PTPRG: variants seen among roughly 807,000 people sequenced by gnomAD.
PTPRG encodes protein tyrosine phosphatase receptor type G.
A neutral mutation model predicts 165.3 loss-of-function variants in PTPRG; 102 were observed. The ratio of observed to expected loss-of-function variants is 0.62; its 90% CI spans 0.53 to 0.73. PTPRG has a LOEUF of 0.73. Ranked by LOEUF, PTPRG falls within the 30% of genes least tolerant of loss-of-function variation. The pLI is 0.00. For missense variants in PTPRG, 1,866 were observed against 1,861.4 expected (o/e 1.00, Z -0.05); for synonymous variants, 675 against 669.5 (o/e 1.01, Z -0.13).
chr3:62,138,700 CA>C (rs1703808212), intron 6 of PTPRG, among the ~76,000 whole-genome samples: 1 of 74,822 alleles, frequency 1.3e-5, no homozygotes, highest in African/African-American at 5.1e-5. Flanking sequence ...GCCTCAGTGA[CA>C]AGGGCAAAGC....
At chr3:61,843,501 T>G (rs1282613517) in intron 2 of PTPRG, among the ~76,000 whole-genome samples, 2 of 152,130 alleles carry the variant, frequency 1.3e-5, no homozygotes, top group African/African-American at 4.8e-5. Context: ...GTGGGCAAAA[T>G]GAAACATTCA....
chr3:61,909,624 A>G (rs1416022174), intron 2 of PTPRG, among the ~76,000 whole-genome samples: 1 of 151,944 alleles, frequency 6.6e-6, no homozygotes, highest in East Asian at 1.9e-4. Flanking sequence ...ATGCTCAAGC[A>G]GTTATCTTGC....
chr3:61,826,423 A>G (rs1017259453), intron 2 of PTPRG, among the ~76,000 whole-genome samples: 23 of 152,172 alleles, frequency 1.5e-4, no homozygotes, highest in Non-Finnish European at 2.4e-4. Context: ...TCATTGGGAA[A>G]TGCATTTATC....
At chr3:62,010,728 A>G (rs966158225) in intron 4 of PTPRG, among the ~76,000 whole-genome samples, 1 of 152,206 alleles carries the variant, frequency 6.6e-6, no homozygotes, top group African/African-American at 2.4e-5. Context: ...TAGCATCTTT[A>G]TGAACTTGAT....
At chr3:61,874,545 C>T (rs1191583767) in intron 2 of PTPRG, among the ~76,000 whole-genome samples, 1 of 151,756 alleles carries the variant, frequency 6.6e-6, no homozygotes, top group Admixed American at 6.6e-5. Flanking sequence ...AACACAGATA[C>T]TCAACCACTT....
chr3:61,694,835 G>A (rs1351167474), intron 1 of PTPRG, among the ~76,000 whole-genome samples: 1 of 152,266 alleles, frequency 6.6e-6, no homozygotes, highest in East Asian at 1.9e-4. Flanking sequence ...GATTGTGGGA[G>A]TGAGGAACAT....
chr3:61,929,284 C>T (rs1447725351), intron 2 of PTPRG, among the ~76,000 whole-genome samples: 1 of 151,748 alleles, frequency 6.6e-6, no homozygotes, highest in Non-Finnish European at 1.5e-5. Context: ...GAATGAATAC[C>T]GAGGTGCTAT....
chr3:61,661,493 C>T (rs568881675), intron 1 of PTPRG, among the ~76,000 whole-genome samples: 1 of 152,114 alleles, frequency 6.6e-6, no homozygotes, highest in Admixed American at 6.5e-5. Flanking sequence ...AGCATTTATG[C>T]CACTGAATGT....
chr3:62,056,555 G>C (rs774299185), intron 4 of PTPRG, among the ~76,000 whole-genome samples: 7 of 152,068 alleles, frequency 4.6e-5, no homozygotes, highest in African/African-American at 7.2e-5. Context: ...CTCAACCTCA[G>C]CATTTTGGGC....
chr3:61,727,408 A>T (rs184304055), intron 1 of PTPRG, among the ~76,000 whole-genome samples: 125 of 152,264 alleles, frequency 8.2e-4, no homozygotes, highest in African/African-American at 2.9e-3. Context: ...TGCCCAGCTC[A>T]GCCTGGGATT....
intron 1 of PTPRG, among the ~76,000 whole-genome samples, chr3:61,663,927 G>C (rs893134474): frequency 1.2e-4 from 18 of 152,150 alleles, no homozygotes; most frequent in African/African-American, 4.1e-4. Context: ...CTCGGTTCCT[G>C]ACAGGGCACG....
intron 6 of PTPRG, among the ~76,000 whole-genome samples, chr3:62,153,947 A>C (rs145543957): frequency 6.6e-6 from 1 of 152,310 alleles, no homozygotes; most frequent in East Asian, 1.9e-4. Context: ...TCTGCTCTCC[A>C]GGCATACTGT....
At chr3:61,937,299 G>A (rs2039504154) in intron 2 of PTPRG, among the ~76,000 whole-genome samples, 1 of 152,150 alleles carries the variant, frequency 6.6e-6, no homozygotes, top group Admixed American at 6.5e-5. Flanking sequence ...GAGAACTGCT[G>A]GCCATTTCAT....
intron 1 of PTPRG, among the ~76,000 whole-genome samples, chr3:61,660,915 T>G (rs1702641370): frequency 6.6e-6 from 1 of 152,090 alleles, no homozygotes; most frequent in African/African-American, 2.4e-5. Context: ...GGCATGAGAA[T>G]CGCTTGAACC....
intron 2 of PTPRG, among the ~76,000 whole-genome samples, chr3:61,845,133 C>T (rs1038567005): frequency 3.3e-5 from 5 of 152,188 alleles, no homozygotes; most frequent in Non-Finnish European, 7.3e-5. Flanking sequence ...CTACCTTAAG[C>T]ATTTTATGAG....
rs537241696 is a variant in PTPRG at position 62,039,648 on chromosome 3, G to C, written c.519+36151G>C. Among the ~76,000 whole-genome samples, 71 of 152,262 alleles carry C rather than the reference G, an allele frequency of 4.7e-4. 2 individuals are homozygous for C. In the South Asian group the frequency reaches 0.015, roughly 32 times the overall value. On this transcript the variant is annotated intron_variant, in intron 4 of 29. Coordinates refer to ENST00000474889, the MANE Select transcript of PTPRG (RefSeq NM_002841.4). Reference sequence around the variant, plus strand: ...ACCATCCCGAGAAGTTAATTTCATAGATAGATCATTTAAACAAATATGACC... The same window carrying C: ...ACCATCCCGAGAAGTTAATTTCATACATAGATCATTTAAACAAATATGACC...
At chr3:61,977,938 C>G (rs978764287) in intron 2 of PTPRG, among the ~76,000 whole-genome samples, 3 of 152,172 alleles carry the variant, frequency 2.0e-5, no homozygotes, top group Admixed American at 2.0e-4. Context: ...AAGAGGTTTA[C>G]TTTTTCCCCC....
rs564761041 is a variant in PTPRG at position 62,166,197 on chromosome 3, C to CTTTTTTTTTTTTTTTTTTTTTTTT, written c.841-1761_841-1738dup. On this transcript the variant is annotated intron_variant, in intron 7 of 29. Coordinates refer to ENST00000474889, the MANE Select transcript of PTPRG (RefSeq NM_002841.4). ...TGGCTGCATATTTCAAATTACAGTT[C>CTTTTTTTTTTTTTTTTTTTTTTTT]TTTTTTTTTTTTTTTTTTTTTTTTT... Among the ~76,000 whole-genome samples, 5 of 53,932 alleles carry CTTTTTTTTTTTTTTTTTTTTTTTT rather than the reference C, an allele frequency of 9.3e-5. 1 individual carries two copies. The highest frequency in any genetic ancestry group is 1.4e-4 in the Non-Finnish European group (4 of 29,510). The allele number at this position is 53,932 out of a possible 152,430, so 35.4% of individuals were successfully genotyped here. A position where few individuals can be genotyped will look rare whatever the true frequency, so the allele number is the denominator to read the frequency against.
intron 1 of PTPRG, among the ~76,000 whole-genome samples, chr3:61,621,047 ATATATGTG>A (rs1320446630): frequency 3.5e-4 from 34 of 97,158 alleles, no homozygotes; most frequent in African/African-American, 1.1e-3. Context: ...ATATATATAT[ATATATGTG>A]TGTGTGTGTG....
Sources: gnomAD v4.1 joint callset for allele counts (sites outside exome capture counted in the v4.1 genomes callset) on GRCh38, gnomAD v4.1.1 for gene constraint, MANE v1.5 for transcripts, NCBI Gene and HGNC (gene_info 2026-07-23, HGNC 2026-07-21) for gene names.